ZNF236: variants seen among roughly 807,000 people sequenced by gnomAD.
ZNF236 encodes zinc finger protein 236, also known as regulated by glucose.
Under a neutral mutation model 191.2 loss-of-function variants are expected in ZNF236, and 50 were observed. The ratio of observed to expected loss-of-function variants is 0.26; its 90% confidence interval spans 0.21 to 0.33. The LOEUF (loss-of-function observed/expected upper bound fraction) is 0.33, where lower values mean the gene tolerates loss of function less well. Among genes scored for constraint, ZNF236 ranks in the 10% least tolerant of loss-of-function variants. The pLI, the probability that ZNF236 is intolerant of heterozygous loss-of-function variation, is 1.00. For missense variants in ZNF236, 1,754 were observed against 2,374.5 expected, an observed-to-expected ratio of 0.74 and a Z score of 5.43; for synonymous variants, 907 against 928.8, an observed-to-expected ratio of 0.98 and a Z score of 0.43.
chr18:76,908,947 GTGTGTATGTGTGTGTC>G (rs2122758651), intron 14 of ZNF236, among the ~76,000 whole-genome samples: 1 of 124,832 alleles, frequency 8.0e-6, no homozygotes, highest in Non-Finnish European at 1.7e-5. Context: ...GCAGGGGTGT[GTGTGTATGTGTGTGTC>G]TGTGTGTGTG....
At chr18:76,967,445 T>C (rs59661236) in intron 30 of ZNF236, among the ~76,000 whole-genome samples, 21,934 of 102,320 alleles carry the variant, frequency 0.21, 162 homozygotes, top group Middle Eastern at 0.3. Flanking sequence ...TTGTTGGAGG[T>C]GGTGTGCTCT....
rs1327079258 is a variant in ZNF236 at position 76,905,284 on chromosome 18, G to A, written c.2166G>A (p.Gly722=). ...CTTTCAAGTGTCTGATATGTAATGG[G>A]GCTTTCACTACTGGTGGCAGCTTAC... is the stretch of plus-strand genomic sequence containing the variant. The part of the protein sequence containing the change: ...LKSFKCLICN[G]AFTTGGSLRR... Residue 722 remains glycine, a synonymous_variant, in exon 13 of 31, where the codon GGG becomes GGA. Transcript: ENST00000320610. The A allele has an allele frequency of 1.2e-5, 19 of 1,613,990 alleles. No homozygotes were observed. Among genetic ancestry groups the A allele is most frequent in the Non-Finnish European group, 1.6e-5 (19 of 1,180,038 alleles).
chr18:76,965,882 T>C lies in ZNF236; in HGVS notation c.5420-2333T>C, dbSNP rs546461317. Among the ~76,000 whole-genome samples, 18 of 152,352 alleles carry C rather than the reference T, an allele frequency of 1.2e-4. No individual in the cohort carries two copies. In the South Asian group the frequency reaches 3.3e-3, roughly 28 times the overall value. On this transcript the variant is annotated intron_variant, in intron 30 of 30. Transcript: ENST00000320610. ...TTGGCCTCCTGCCGGGAGGTGGTGCTTTCCAGAGAGCATCAGCTGTGGTAG... is the reference window on the plus strand; with the variant it reads ...TTGGCCTCCTGCCGGGAGGTGGTGCCTTCCAGAGAGCATCAGCTGTGGTAG...
chr18:76,907,210 G>A (rs951070401), intron 13 of ZNF236, among the ~76,000 whole-genome samples: 2 of 152,230 alleles, frequency 1.3e-5, no homozygotes, highest in Non-Finnish European at 2.9e-5. Flanking sequence ...AGAAAACGAA[G>A]AGGGAAAATT....
At chr18:76,926,698 CTG>C (rs1324062025) in intron 22 of ZNF236, among the ~76,000 whole-genome samples, 43 of 83,766 alleles carry the variant, frequency 5.1e-4, no homozygotes, top group Admixed American at 2.4e-3. Context: ...AGTGATTAGA[CTG>C]TGTGTATGGT....
At chr18:76,890,771 T>C (rs947406932) in intron 9 of ZNF236, among the ~76,000 whole-genome samples, 7 of 152,204 alleles carry the variant, frequency 4.6e-5, no homozygotes, top group Admixed American at 3.9e-4. Flanking sequence ...TTAAAGATGA[T>C]AGCATTTTGT....
At chr18:76,831,929 ATTC>A (rs1975179419) in intron 1 of ZNF236, among the ~76,000 whole-genome samples, 1 of 152,162 alleles carries the variant, frequency 6.6e-6, no homozygotes, top group Admixed American at 6.6e-5. Flanking sequence ...ATAGTCTCCT[ATTC>A]ACTCTTTTAA....
intron 20 of ZNF236, among the ~76,000 whole-genome samples, chr18:76,922,095 A>G (rs924279460): frequency 2.0e-5 from 3 of 152,158 alleles, no homozygotes; most frequent in Non-Finnish European, 4.4e-5. Context: ...TTTCTTCGTC[A>G]GTATCTATAA....
intron 1 of ZNF236, chr18:76,834,740 C>T (rs543101786): frequency 1.4e-4 from 62 of 441,410 alleles, no homozygotes; most frequent in East Asian, 1.7e-4. Context: ...ATCATCCTTT[C>T]GGATGGGCAT....
chr18:76,920,234 G>C (rs1331712514), intron 20 of ZNF236, among the ~76,000 whole-genome samples, 176 bp downstream of exon 20: 1 of 152,158 alleles, frequency 6.6e-6, no homozygotes, highest in Non-Finnish European at 1.5e-5. Flanking sequence ...GTTCTCTGTA[G>C]TAAACTCATT....
intron 25 of ZNF236, among the ~76,000 whole-genome samples, chr18:76,935,545 G>T (rs1741990928): frequency 6.6e-6 from 1 of 152,184 alleles, no homozygotes; most frequent in Admixed American, 6.5e-5. Flanking sequence ...AGCAGTTGGG[G>T]TGAGGTTTGA....
intron 13 of ZNF236, among the ~76,000 whole-genome samples, 172 bp from the exon 14 acceptor site, chr18:76,908,148 C>CTCG: frequency 6.6e-6 from 1 of 152,314 alleles, no homozygotes; most frequent in East Asian, 1.9e-4. Flanking sequence ...AACGAGCTCT[C>CTCG]TTCAGAGTTA....
At chr18:76,861,467 G>C (rs1976221591) in intron 3 of ZNF236, among the ~76,000 whole-genome samples, 1 of 152,182 alleles carries the variant, frequency 6.6e-6, no homozygotes, top group Admixed American at 6.5e-5. Context: ...CTGCGAAATA[G>C]TGTTGAGTTG....
In ZNF236 at chr18:76,947,564, G is replaced by A; in HGVS notation, c.4826G>A (p.Gly1609Asp). ...PALLTDPSLSGQGGAGSPQVI... is the reference protein window; with the variant it reads ...PALLTDPSLSDQGGAGSPQVI... ...CTCCTCACGGATCCCTCTCTCTCGG[G>A]CCAGGGTGGAGCAGGCTCGCCGCAA... Residue 1609 changes from glycine to aspartate, a missense_variant, in exon 27 of 31, where the codon GGC (glycine) becomes GAC (aspartate). This residue lies in a region of ZNF236 where 606 missense variants were observed against 761.5 expected (regional missense o/e 0.80). Coordinates refer to ENST00000320610, the MANE Select transcript of ZNF236 (RefSeq NM_001306089.2). 5 of 1,614,094 alleles carry A rather than the reference G, an allele frequency of 3.1e-6. No individual in the cohort carries two copies. The highest frequency in any genetic ancestry group is 4.2e-6 in the Non-Finnish European group (5 of 1,180,020).
intron 30 of ZNF236, among the ~76,000 whole-genome samples, chr18:76,961,354 G>A (rs939363785): frequency 2.9e-4 from 42 of 146,806 alleles, no homozygotes; most frequent in African/African-American, 1.0e-3. Context: ...TTTTATGGCT[G>A]AGTAGTATTC....
At position 76,851,628 on chromosome 18, in the gene ZNF236, A is replaced by G. The variant is rs1975874523; in HGVS notation, c.199-147A>G. 7.4e-6 allele frequency: 6 copies of G among 806,052 alleles called. No individual in the cohort carries two copies. In the East Asian group the frequency reaches 1.7e-4, roughly 23 times the overall value. 49.9% of individuals were successfully genotyped at this position (806,052 alleles called of 1,614,324 possible). A position where few individuals can be genotyped will look rare whatever the true frequency, so the allele number is the denominator to read the frequency against. ...AGGTGCTTTACTGTGTTTATTTTGG[A>G]TTTATTGACTTAAGAGCCAGAGGAG... On this transcript the variant is annotated intron_variant, in intron 2 of 30. Coordinates refer to ENST00000320610, the MANE Select transcript of ZNF236 (RefSeq NM_001306089.2).
intron 3 of ZNF236, among the ~76,000 whole-genome samples, chr18:76,854,480 CG>C (rs1359588210): frequency 6.6e-6 from 1 of 151,154 alleles, no homozygotes; most frequent in African/African-American, 2.4e-5. Flanking sequence ...TGCAGTATCT[CG>C]GGTGGGTGTG....
chr18:76,886,375 G>A (rs1196897091), intron 9 of ZNF236: 1 of 153,056 alleles, frequency 6.5e-6, no homozygotes, highest in Non-Finnish European at 1.5e-5. Context: ...TTGAGATTCA[G>A]CAGTAAAGAA....
At position 76,960,694 on chromosome 18, in the gene ZNF236, A is replaced by G. The variant is rs1157390498; in HGVS notation, c.5258A>G (p.His1753Arg). 1.2e-6 allele frequency: 2 copies of G among 1,614,194 alleles called. No homozygotes were observed. The highest frequency in any genetic ancestry group is 1.1e-5 in the South Asian group (1 of 91,084). The change falls in exon 30 of 31, where the codon CAT becomes CGT. Residue 1753 changes from histidine to arginine, a missense_variant. His to Arg is a conservative substitution (Grantham distance 29). This residue lies in a region of ZNF236 where 606 missense variants were observed against 761.5 expected (regional missense o/e 0.80). Transcript: ENST00000320610. This position sits in a 1 kb window ranked among gnomAD's most constrained non-coding sequence, Gnocchi z 4.4. Reference protein sequence around the residue: ...SRIHTGERPFHCTLCEKAFNQ... With the variant: ...SRIHTGERPFRCTLCEKAFNQ... Reference sequence around the variant, plus strand: ...TTCTGTACAGGGGAGCGGCCGTTCCATTGCACGCTTTGTGAGAAAGCCTTC... The same window carrying G: ...TTCTGTACAGGGGAGCGGCCGTTCCGTTGCACGCTTTGTGAGAAAGCCTTC...
Sources: allele counts gnomAD v4.1 joint callset (sites outside exome capture counted in the v4.1 genomes callset), GRCh38; gene constraint gnomAD v4.1.1; regional missense constraint gnomAD v4.1.1; non-coding constraint Gnocchi (gnomAD v3.1); transcripts MANE v1.5; gene names NCBI Gene and HGNC (gene_info 2026-07-23, HGNC 2026-07-21).